The following PLCH1 variants were observed in gnomAD, a reference collection of about 807,000 sequenced individuals.
The protein encoded by PLCH1 is 1-phosphatidylinositol 4,5-bisphosphate phosphodiesterase eta-1.
In PLCH1, 60 loss-of-function variants were observed where a neutral mutation model predicts 126.7. The ratio of observed to expected loss-of-function variants is 0.47; its 90% CI spans 0.38 to 0.59. PLCH1 has a LOEUF of 0.59. Ranked by LOEUF, PLCH1 falls within the 20% of genes least tolerant of loss-of-function variation. PLCH1 has a pLI of 0.00. For synonymous variants in PLCH1, 719 were observed against 734.9 expected (o/e 0.98, Z 0.35); for missense variants, 1,723 against 2,040.0 (o/e 0.84, Z 2.99).
rs558164651 is a variant in PLCH1, at chr3:155,484,258, A to G, written c.2974+1098T>C. 1.6e-4 allele frequency among the ~76,000 whole-genome samples: 25 copies of G among 152,346 alleles called. No individual in the cohort carries two copies. In the South Asian group the frequency reaches 4.8e-3, roughly 29 times the overall value. On this transcript the variant is annotated intron_variant, in intron 22 of 22. Transcript: ENST00000460012. ...GTATTAACATCTTAACTGTGGCATT[A>G]ACAGATAGAACCAATTTCTACTGAA...
intron 10 of PLCH1, among the ~76,000 whole-genome samples, chr3:155,531,828 T>C (rs912333397): frequency 1.3e-5 from 2 of 152,154 alleles, no homozygotes; most frequent in African/African-American, 4.8e-5. Context: ...CTTCCTCACC[T>C]CTCTCAGCCT....
chr3:155,710,509 C>T (rs1275041337), intron 1 of PLCH1, among the ~76,000 whole-genome samples: 1 of 152,060 alleles, frequency 6.6e-6, no homozygotes, highest in East Asian at 1.9e-4. Context: ...ATAAGGAACA[C>T]CATATAAGGA....
chr3:155,673,310 T>C (rs1478161461), intron 2 of PLCH1, among the ~76,000 whole-genome samples: 1 of 152,048 alleles, frequency 6.6e-6, no homozygotes, highest in Non-Finnish European at 1.5e-5. Flanking sequence ...ATAAGCATGT[T>C]TGTGCACTAT....
Position 155,490,774 on chromosome 3 carries a change from A to G in PLCH1, c.2392+10T>C. The G allele has an allele frequency of 7.0e-7, 1 of 1,432,066 alleles. No individual in the cohort carries two copies. Among genetic ancestry groups the G allele is most frequent in the Non-Finnish European group, 9.8e-7 (1 of 1,015,638 alleles). The allele number at this position is 1,432,066 out of a possible 1,614,324, so 88.7% of individuals were successfully genotyped here. On this transcript the variant is annotated intron_variant, in intron 19 of 22. Coordinates refer to ENST00000460012, the MANE Select transcript of PLCH1 (RefSeq NM_014996.4). ...CTTCATTAAAAAGTGAACACAGATT[A>G]CCATCTTACCATTGTCATCTACCAC...
intron 2 of PLCH1, among the ~76,000 whole-genome samples, chr3:155,691,418 T>A (rs1745373241): frequency 6.6e-6 from 1 of 152,246 alleles, no homozygotes; most frequent in African/African-American, 2.4e-5. Context: ...TTCCTCTTTG[T>A]GTTCCCCTTA....
chr3:155,735,208 T>A (rs1018230610), intron 1 of PLCH1, among the ~76,000 whole-genome samples: 7 of 152,176 alleles, frequency 4.6e-5, no homozygotes, highest in South Asian at 2.1e-4. Flanking sequence ...GGGACTGCGA[T>A]GTGACTGGGT....
intron 2 of PLCH1, among the ~76,000 whole-genome samples, chr3:155,700,085 C>T (rs1363618644): frequency 2.0e-5 from 3 of 152,080 alleles, no homozygotes; most frequent in Non-Finnish European, 4.4e-5. Flanking sequence ...TGGCAAAATC[C>T]TCACCTGAAA....
chr3:155,587,507 G>A (rs1371695832), intron 4 of PLCH1, among the ~76,000 whole-genome samples: 1 of 152,170 alleles, frequency 6.6e-6, no homozygotes, highest in African/African-American at 2.4e-5. Context: ...CATAAGGTCT[G>A]TCTCTACACC....
chr3:155,741,684 C>CTT (rs71624571), intron 1 of PLCH1, among the ~76,000 whole-genome samples: 10,407 of 102,410 alleles, frequency 0.1, 909 homozygotes, highest in East Asian at 0.35. Flanking sequence ...TTTATATCCT[C>CTT]TTTTTTTTTT....
intron 21 of PLCH1, among the ~76,000 whole-genome samples, chr3:155,465,796 T>A (rs1712907339): frequency 6.6e-6 from 1 of 152,046 alleles, no homozygotes; most frequent in South Asian, 2.1e-4. Context: ...CATAACAAAC[T>A]GACTTAAGAG....
At chr3:155,656,169 C>A (rs1311414233) in intron 2 of PLCH1, among the ~76,000 whole-genome samples, 1 of 149,944 alleles carries the variant, frequency 6.7e-6, no homozygotes, top group African/African-American at 2.4e-5. Flanking sequence ...GAAAATTACC[C>A]CCCCCCAAAT....
chr3:155,461,529 A>C (rs972645946), intron 21 of PLCH1, among the ~76,000 whole-genome samples: 3 of 112,138 alleles, frequency 2.7e-5, no homozygotes, highest in African/African-American at 5.2e-5. Flanking sequence ...GACACACACA[A>C]AAAATGTGAT....
At chr3:155,738,108 C>A (rs1417948679) in intron 1 of PLCH1, among the ~76,000 whole-genome samples, 1 of 152,126 alleles carries the variant, frequency 6.6e-6, no homozygotes, top group South Asian at 2.1e-4. Context: ...TGCAAAAGAA[C>A]CAGCCACAGA....
intron 2 of PLCH1, among the ~76,000 whole-genome samples, chr3:155,649,926 C>A (rs566901210): frequency 4.0e-5 from 6 of 151,864 alleles, no homozygotes; most frequent in African/African-American, 9.7e-5. Context: ...TGCAGTGAGC[C>A]GAGATAGCGC....
chr3:155,626,641 C>T (rs1036244749), intron 2 of PLCH1, among the ~76,000 whole-genome samples: 4 of 151,396 alleles, frequency 2.6e-5, no homozygotes, highest in South Asian at 2.1e-4. Context: ...TGGTGGTGGG[C>T]GCCTGTAGTC....
At chr3:155,617,606 G>A (rs1294243189) in intron 2 of PLCH1, among the ~76,000 whole-genome samples, 1 of 152,110 alleles carries the variant, frequency 6.6e-6, no homozygotes, top group Admixed American at 6.5e-5. Context: ...CTATTTGTGA[G>A]TATTCTTAAA....
At chr3:155,642,885 G>A (rs903306710) in intron 2 of PLCH1, among the ~76,000 whole-genome samples, 1 of 152,116 alleles carries the variant, frequency 6.6e-6, no homozygotes, top group African/African-American at 2.4e-5. Flanking sequence ...GTGACAGCAG[G>A]ACTTCCAAAG....
At chr3:155,727,043 A>T (rs1318923328) in intron 1 of PLCH1, among the ~76,000 whole-genome samples, 1 of 151,656 alleles carries the variant, frequency 6.6e-6, no homozygotes, top group African/African-American at 2.4e-5. Context: ...TTAATTTTCT[A>T]TGCAGCTTGG....
At chr3:155,675,876 A>G (rs1387670357) in intron 2 of PLCH1, 1 of 582,350 alleles carries the variant, frequency 1.7e-6, no homozygotes, top group African/African-American at 2.0e-5. Flanking sequence ...GAAATATAAT[A>G]AATATGTTCT....
Sources: gnomAD v4.1 joint callset for allele counts (sites outside exome capture counted in the v4.1 genomes callset) on GRCh38, gnomAD v4.1.1 for gene constraint, MANE v1.5 for transcripts, NCBI Gene and HGNC (gene_info 2026-07-23, HGNC 2026-07-21) for gene names.